The following C1GALT1 variants were observed in gnomAD, a reference collection of about 807,000 sequenced individuals.
The protein encoded by C1GALT1 is glycoprotein-N-acetylgalactosamine 3-beta-galactosyltransferase 1.
Under a neutral mutation model 31.0 loss-of-function variants are expected in C1GALT1, and 11 were observed. The observed-to-expected ratio is 0.36, with a 90% confidence interval of 0.22 to 0.59. The LOEUF is 0.59. Ranked by LOEUF, C1GALT1 falls within the 20% of genes least tolerant of loss-of-function variation. The pLI is 0.79. For synonymous variants in C1GALT1, 175 were observed against 143.6 expected (o/e 1.22, Z -1.56); for missense variants, 424 against 425.2 (o/e 1.00, Z 0.03).
chr7:7,238,391 G>C lies in C1GALT1; in HGVS notation c.357G>C (p.Leu119Phe). 1 of 1,614,074 alleles carries C rather than the reference G, an allele frequency of 6.2e-7. No homozygotes were observed. ...GGGCCCAGCGTTGTAACAAAGTGTTGTTTATGAGTTCAGAAGAAAATAAAG... is the reference window on the plus strand; with the variant it reads ...GGGCCCAGCGTTGTAACAAAGTGTTCTTTATGAGTTCAGAAGAAAATAAAG... Reference protein sequence around the residue: ...ATWAQRCNKVLFMSSEENKDF... With the variant: ...ATWAQRCNKVFFMSSEENKDF... The change falls in exon 3 of 4, where the codon TTG (leucine) becomes TTC (phenylalanine). Residue 119 changes from leucine (L) to phenylalanine (F), a missense_variant. Physicochemically the swap from Leu to Phe is conservative, Grantham distance 22. Transcript: ENST00000436587. The surrounding 1 kb of genome is among the most constrained non-coding windows in gnomAD (Gnocchi z 5.2).
At chr7:7,224,472 G>A (rs12702596) in intron 1 of C1GALT1, among the ~76,000 whole-genome samples, 67 of 151,822 alleles carry the variant, frequency 4.4e-4, no homozygotes, top group Non-Finnish European at 7.8e-4. Flanking sequence ...GGTCAGGGGC[G>A]GGGGGTGAGG....
At chr7:7,227,845 G>A (rs1407824829) in intron 1 of C1GALT1, among the ~76,000 whole-genome samples, 1 of 152,148 alleles carries the variant, frequency 6.6e-6, no homozygotes, top group Non-Finnish European at 1.5e-5. Flanking sequence ...ACAGCAAGAA[G>A]GCTCTTACCA....
Position 7,162,001 on chromosome 7 carries a change from G to A in C1GALT1, c.-18+4575G>A, listed in dbSNP as rs562546978. On this transcript the variant is annotated intron_variant, in intron 2 of 3. Coordinates refer to the C1GALT1 transcript ENST00000429911. ...AGCAATTGTCATTGATCAGCATGGT[G>A]AAATGATTATGGCCTCATTTGTGAA... is the stretch of plus-strand genomic sequence containing the variant. Among the ~76,000 whole-genome samples, 101 of 151,242 alleles carry A rather than the reference G, an allele frequency of 6.7e-4. 1 individual carries two copies. The South Asian group carries it at 0.02, about 31-fold the overall frequency.
chr7:7,176,783 A>C (rs1780510170), intron 2 of C1GALT1, among the ~76,000 whole-genome samples: 1 of 152,144 alleles, frequency 6.6e-6, no homozygotes, highest in Non-Finnish European at 1.5e-5. Context: ...ATCTTGGTAA[A>C]TTTTGTAAAG....
intron 1 of C1GALT1, among the ~76,000 whole-genome samples, chr7:7,200,719 T>C (rs111232679): frequency 0.034 from 5,171 of 152,244 alleles, 308 homozygotes; most frequent in African/African-American, 0.12. Context: ...TTCTCTAAAC[T>C]TCTCTTCTCT....
At chr7:7,210,534 G>A (rs1475690478) in intron 1 of C1GALT1, 1 of 152,172 alleles carries the variant, frequency 6.6e-6, no homozygotes, top group Non-Finnish European at 1.4e-5. Flanking sequence ...AGGCTCCAAA[G>A]CCAAGAGAAG....
At chr7:7,230,324 C>A (rs1190986355) in intron 1 of C1GALT1, among the ~76,000 whole-genome samples, 1 of 152,066 alleles carries the variant, frequency 6.6e-6, no homozygotes, top group Non-Finnish European at 1.5e-5. Flanking sequence ...ATGAATGTCA[C>A]AGAGAACAAG....
chr7:7,165,410 C>G (rs927913368), intron 2 of C1GALT1, among the ~76,000 whole-genome samples: 11 of 152,108 alleles, frequency 7.2e-5, no homozygotes, highest in African/African-American at 2.4e-4. Context: ...ATGCATCACT[C>G]TATTTCAGTT....
chr7:7,244,439 A>G lies in C1GALT1; in HGVS notation c.*712A>G, dbSNP rs1184930589. 4.6e-5 allele frequency: 7 copies of G among 152,004 alleles called. No homozygotes were observed. Among genetic ancestry groups the G allele is most frequent in the Non-Finnish European group, 1.0e-4 (7 of 67,972 alleles). 9.4% of individuals were successfully genotyped at this position (152,004 alleles called of 1,614,324 possible). Reference sequence around the variant, plus strand: ...GTCTCTTTTCTAAATGTGTTTAGCCACTCTTGAATACCATTCTCCACTATT... The same window carrying G: ...GTCTCTTTTCTAAATGTGTTTAGCCGCTCTTGAATACCATTCTCCACTATT... On this transcript the variant is annotated 3_prime_UTR_variant, in exon 4 of 4. Coordinates refer to ENST00000436587, the MANE Select transcript of C1GALT1 (RefSeq NM_020156.5).
intron 1 of C1GALT1, among the ~76,000 whole-genome samples, chr7:7,201,232 C>A (rs1035432794): frequency 6.0e-4 from 91 of 152,244 alleles, no homozygotes; most frequent in African/African-American, 1.9e-3. Context: ...CAGTCAGGAC[C>A]CTCAGCCGCA....
At chr7:7,213,800 C>G (rs1782113013) in intron 1 of C1GALT1, among the ~76,000 whole-genome samples, 1 of 152,124 alleles carries the variant, frequency 6.6e-6, no homozygotes, top group Non-Finnish European at 1.5e-5. Flanking sequence ...CTTTTATAAC[C>G]TTTTTACTAA....
intron 1 of C1GALT1, among the ~76,000 whole-genome samples, chr7:7,216,297 C>G (rs541514345): frequency 1.6e-4 from 24 of 152,304 alleles, no homozygotes; most frequent in African/African-American, 5.8e-4. Flanking sequence ...CTCTGAATGT[C>G]TTACCTTCCC....
intron 3 of C1GALT1, among the ~76,000 whole-genome samples, chr7:7,239,956 C>T (rs759838100): frequency 5.9e-5 from 9 of 152,328 alleles, no homozygotes; most frequent in African/African-American, 9.6e-5. Flanking sequence ...GACCAGGAAT[C>T]ATGGAACCTA....
intron 2 of C1GALT1, among the ~76,000 whole-genome samples, chr7:7,160,283 C>A (rs79360479): frequency 0.022 from 3,276 of 152,142 alleles, 112 homozygotes; most frequent in African/African-American, 0.074. Context: ...TCTTTTTGGT[C>A]TTCAACTGTA....
At chr7:7,160,140 C>T (rs1336682880) in intron 2 of C1GALT1, among the ~76,000 whole-genome samples, 1 of 152,128 alleles carries the variant, frequency 6.6e-6, no homozygotes, top group Non-Finnish European at 1.5e-5. Context: ...TCCTTCTTGT[C>T]CCTAGTACCT....
intron 3 of C1GALT1, among the ~76,000 whole-genome samples, chr7:7,240,824 A>G (rs538389359): frequency 6.6e-6 from 1 of 152,204 alleles, no homozygotes; most frequent in South Asian, 2.1e-4. Context: ...TTATCCATCT[A>G]TCATTTAGTA....
intron 1 of C1GALT1, among the ~76,000 whole-genome samples, chr7:7,214,761 C>T (rs577891458): frequency 2.4e-4 from 37 of 152,290 alleles, no homozygotes; most frequent in African/African-American, 8.2e-4. Context: ...AACAAACTTT[C>T]GGAGAAGCCG....
chr7:7,187,683 A>C (rs767337292), intron 1 of C1GALT1, among the ~76,000 whole-genome samples: 28 of 152,336 alleles, frequency 1.8e-4, no homozygotes, highest in Non-Finnish European at 2.9e-4. Context: ...GCCAAGGTTA[A>C]GAAACCTTAG....
rs1357727876 is a variant in C1GALT1, at chr7:7,182,803, A to T, written c.-35A>T. ...CCGCCCCCCAGGAGGGGCGAGAGGG[A>T]GCCGCAGCTGATGTCAGGTATGGCC... On this transcript the variant is annotated 5_prime_UTR_variant, in exon 1 of 4. Transcript: ENST00000436587. 3.0e-6 allele frequency: 3 copies of T among 985,340 alleles called. No individual in the cohort carries two copies. The African/African-American group carries it at 5.2e-5, about 17-fold the overall frequency. The allele number at this position is 985,340 out of a possible 1,614,324, so 61.0% of individuals were successfully genotyped here.
Sources: allele counts gnomAD v4.1 joint callset (sites outside exome capture counted in the v4.1 genomes callset), GRCh38; gene constraint gnomAD v4.1.1; non-coding constraint Gnocchi (gnomAD v3.1); transcripts MANE v1.5; gene names NCBI Gene and HGNC (gene_info 2026-07-23, HGNC 2026-07-21).